Variants in FSTL5 observed in about 807,000 individuals in gnomAD.
FSTL5 encodes the protein follistatin-related protein 5.
In FSTL5, 62 loss-of-function variants were observed where a neutral mutation model predicts 89.1. The observed-to-expected ratio is 0.70, with a 90% CI of 0.57 to 0.86. The LOEUF (loss-of-function observed/expected upper bound fraction) is 0.86, where lower values mean the gene tolerates loss of function less well. FSTL5 is among the 40% of genes least tolerant of loss of function. The pLI is 0.00. For missense variants in FSTL5, 1,057 were observed against 1,001.6 expected (o/e 1.06, Z -0.75); for synonymous variants, 383 against 346.2 (o/e 1.11, Z -1.18).
rs141990430 is a variant in FSTL5 at position 161,476,964 on chromosome 4, T to C, written c.1608+4056A>G. The stretch of plus-strand genomic sequence containing the variant: ...CTTCTCCTGTTTTTGACAGTTAATA[T>C]TTTAATAGGCCATATGTTTATCAAT... On this transcript the variant is annotated intron_variant, in intron 13 of 15. Coordinates refer to ENST00000306100, the MANE Select transcript of FSTL5 (RefSeq NM_020116.5). 4.5e-3 allele frequency among the ~76,000 whole-genome samples: 689 copies of C among 152,294 alleles called. 6 individuals are homozygous for C. Among genetic ancestry groups the C allele is most frequent in the African/African-American group, 0.016 (672 of 41,570 alleles).
intron 3 of FSTL5, among the ~76,000 whole-genome samples, chr4:161,988,514 A>T (rs1736026760): frequency 1.3e-5 from 2 of 152,190 alleles, no homozygotes; most frequent in Admixed American, 6.5e-5. Flanking sequence ...AAACTTCCAC[A>T]TTAAACAATT....
intron 6 of FSTL5, among the ~76,000 whole-genome samples, chr4:161,666,618 ATAAT>A (rs1736905566): frequency 6.6e-6 from 1 of 152,156 alleles, no homozygotes; most frequent in Non-Finnish European, 1.5e-5. Context: ...GTAAGAACAC[ATAAT>A]TTTTTAAGAC....
At position 162,137,495 on chromosome 4, in the gene FSTL5, A is replaced by T. The variant is rs1012142114; in HGVS notation, c.-16-26083T>A. 2.0e-5 allele frequency among the ~76,000 whole-genome samples: 3 copies of T among 152,114 alleles called. No individual in the cohort carries two copies. In the East Asian group the frequency reaches 5.8e-4, roughly 29 times the overall value. On this transcript the variant is annotated intron_variant, in intron 1 of 15. Transcript: ENST00000306100. ...CATATATAACAAAATCTGTCTTAACATTTGGAACCACATCTGAAATTTGTC... is the reference window on the plus strand; with the variant it reads ...CATATATAACAAAATCTGTCTTAACTTTTGGAACCACATCTGAAATTTGTC...
At chr4:161,896,908 G>C (rs1200897673) in intron 4 of FSTL5, among the ~76,000 whole-genome samples, 1 of 151,964 alleles carries the variant, frequency 6.6e-6, no homozygotes, top group African/African-American at 2.4e-5. Flanking sequence ...GATACCATTG[G>C]CATATATAAT....
At chr4:162,110,867 TA>T (rs1459085070) in intron 2 of FSTL5, among the ~76,000 whole-genome samples, 28 of 152,014 alleles carry the variant, frequency 1.8e-4, no homozygotes, top group Non-Finnish European at 1.6e-4. Context: ...ACAGTGTAGA[TA>T]ATTTTTTGTT....
chr4:161,970,387 G>A (rs184990700), intron 3 of FSTL5, among the ~76,000 whole-genome samples: 4 of 152,068 alleles, frequency 2.6e-5, no homozygotes, highest in Non-Finnish European at 2.9e-5. Context: ...ATCAGTAAGA[G>A]TTCAGGTCTA....
chr4:161,875,854 T>G (rs1216524263), intron 4 of FSTL5, among the ~76,000 whole-genome samples: 1 of 152,218 alleles, frequency 6.6e-6, no homozygotes, highest in Non-Finnish European at 1.5e-5. Context: ...ACTTTGTTTT[T>G]GGTTGATGCT....
intron 15 of FSTL5, among the ~76,000 whole-genome samples, chr4:161,397,885 G>T (rs62325017): frequency 0.081 from 12,269 of 151,852 alleles, 628 homozygotes; most frequent in Non-Finnish European, 0.12. Context: ...AGGAATTAAT[G>T]ATCTATAAAC....
At chr4:161,927,046 T>G (rs981762174) in intron 3 of FSTL5, among the ~76,000 whole-genome samples, 2 of 151,860 alleles carry the variant, frequency 1.3e-5, no homozygotes, top group Admixed American at 6.6e-5. Flanking sequence ...AAATATTTGT[T>G]CTAAAGTGTT....
intron 3 of FSTL5, among the ~76,000 whole-genome samples, chr4:162,001,418 A>G (rs564656190): frequency 6.6e-6 from 1 of 152,338 alleles, no homozygotes; most frequent in African/African-American, 2.4e-5. Context: ...TCACACAGTC[A>G]TGAATTTGAA....
At chr4:161,721,272 G>A (rs1384414097) in intron 6 of FSTL5, among the ~76,000 whole-genome samples, 2 of 108,108 alleles carry the variant, frequency 1.8e-5, no homozygotes, top group Non-Finnish European at 3.5e-5. Context: ...GCGACAGAGC[G>A]AGACTCCGTC....
In FSTL5 at chr4:161,834,747, A is replaced by C. The variant is rs1730975631; in HGVS notation, c.410-58673T>G. On this transcript the variant is annotated intron_variant, in intron 4 of 15. Coordinates refer to ENST00000306100, the MANE Select transcript of FSTL5 (RefSeq NM_020116.5). ...TGCCTAGGAATCCAACTTACAAGGG[A>C]CGTGAAGGACCTCTTCAAGGAGAAC... Among the ~76,000 whole-genome samples the C allele has an allele frequency of 2.0e-5, 3 of 152,294 alleles. No individual in the cohort carries two copies. The South Asian group carries it at 6.2e-4, about 32-fold the overall frequency.
intron 3 of FSTL5, among the ~76,000 whole-genome samples, chr4:162,013,622 T>C (rs1423305574): frequency 6.6e-6 from 1 of 152,202 alleles, no homozygotes; most frequent in African/African-American, 2.4e-5. Context: ...TATTCTTCTC[T>C]GCCTTGATGA....
chr4:161,884,687 T>A (rs915913113), intron 4 of FSTL5, among the ~76,000 whole-genome samples: 2 of 152,186 alleles, frequency 1.3e-5, no homozygotes, highest in Non-Finnish European at 2.9e-5. Flanking sequence ...ACTGTTGATG[T>A]GAAACTATAG....
At chr4:161,833,528 A>T (rs1319391984) in intron 4 of FSTL5, among the ~76,000 whole-genome samples, 2 of 137,248 alleles carry the variant, frequency 1.5e-5, no homozygotes, top group Non-Finnish European at 1.6e-5. Context: ...GTCTCTTTGT[A>T]GGTCACTCAG....
chr4:161,463,742 CTTT>C (rs1733654534), intron 13 of FSTL5, among the ~76,000 whole-genome samples: 1 of 152,154 alleles, frequency 6.6e-6, no homozygotes, highest in Admixed American at 6.5e-5. Flanking sequence ...TTCTGAACTT[CTTT>C]GTCACAAGTG....
At chr4:161,505,665 A>G (rs1730453231) in intron 11 of FSTL5, among the ~76,000 whole-genome samples, 1 of 152,162 alleles carries the variant, frequency 6.6e-6, no homozygotes, top group South Asian at 2.1e-4. Context: ...GGTTGAAATC[A>G]TACATAATTA....
At chr4:161,554,833 T>C (rs924476425) in intron 8 of FSTL5, among the ~76,000 whole-genome samples, 3 of 151,686 alleles carry the variant, frequency 2.0e-5, no homozygotes, top group Non-Finnish European at 3.0e-5. Context: ...GTTCTGTTTG[T>C]ATTATGACTT....
At chr4:161,922,616 A>G (rs1021346071) in intron 3 of FSTL5, among the ~76,000 whole-genome samples, 1 of 151,904 alleles carries the variant, frequency 6.6e-6, no homozygotes, top group Non-Finnish European at 1.5e-5. Flanking sequence ...GGTGATGGTG[A>G]TATTTCTGCT....
Sources: gnomAD v4.1 joint callset for allele counts (sites outside exome capture counted in the v4.1 genomes callset) on GRCh38, gnomAD v4.1.1 for gene constraint, MANE v1.5 for transcripts, NCBI Gene and HGNC (gene_info 2026-07-23, HGNC 2026-07-21) for gene names.